Variants in NAP1L4 observed in about 807,000 individuals in gnomAD.
NAP1L4 encodes nucleosome assembly protein 1 like 4, also known as nucleosome assembly protein 1-like 4.
NAP1L4 carries 15 observed loss-of-function variants against 58.2 expected under a neutral mutation model. The observed-to-expected ratio is 0.26, with a 90% CI of 0.17 to 0.40. The LOEUF (loss-of-function observed/expected upper bound fraction) is 0.40. Ranked by LOEUF, NAP1L4 falls within the 10% of genes least tolerant of loss-of-function variation. The pLI is 1.00. For missense variants in NAP1L4, 384 were observed against 451.1 expected, an observed-to-expected ratio of 0.85 and a Z score of 1.35; for synonymous variants, 171 against 155.6, an observed-to-expected ratio of 1.10 and a Z score of -0.74.
At chr11:2,958,304 A>T (rs1846671238) in intron 10 of NAP1L4, 95 bp downstream of exon 10, 2 of 1,325,440 alleles carry the variant, frequency 1.5e-6, no homozygotes, top group Non-Finnish European at 2.2e-6. Flanking sequence ...TGCCTGAAAA[A>T]AGAGGACTAA....
At chr11:2,950,624 G>A (rs979786371) in intron 14 of NAP1L4, among the ~76,000 whole-genome samples, 8 of 152,186 alleles carry the variant, frequency 5.3e-5, no homozygotes, top group African/African-American at 1.9e-4. Flanking sequence ...AAGCACTTCT[G>A]ATTTTAAAAT....
chr11:2,991,611 C>T (rs1848972506), intron 1 of NAP1L4, among the ~76,000 whole-genome samples: 1 of 152,094 alleles, frequency 6.6e-6, no homozygotes, highest in South Asian at 2.1e-4. Flanking sequence ...CCGCACAGCT[C>T]CCAACAGCTA....
intron 1 of NAP1L4, among the ~76,000 whole-genome samples, chr11:2,982,837 A>G (rs771226652): frequency 9.2e-5 from 14 of 152,304 alleles, no homozygotes; most frequent in Non-Finnish European, 1.8e-4. Flanking sequence ...CCTGGCCAAC[A>G]TGGTAAAACC....
In NAP1L4 at chr11:2,949,203, G is replaced by A; in HGVS notation, c.*32+24C>T. 1 of 1,552,720 alleles carries A rather than the reference G, an allele frequency of 6.4e-7. No individual in the cohort carries two copies. Among genetic ancestry groups the A allele is most frequent in the Admixed American group, 1.7e-5 (1 of 59,160 alleles). On this transcript the variant is annotated intron_variant, in intron 15 of 15. Transcript: ENST00000380542. This position sits in a 1 kb window ranked among gnomAD's most constrained non-coding sequence, Gnocchi z 4.0. ...GTATAGATCAGAAGTTTGGAAGTTA[G>A]GTATGAATGGAATTCCACCTTACCT...
At chr11:2,973,205 A>C (rs1273290839) in intron 4 of NAP1L4, among the ~76,000 whole-genome samples, 3 of 152,250 alleles carry the variant, frequency 2.0e-5, no homozygotes, top group South Asian at 2.1e-4. Flanking sequence ...TTTGTCCTGG[A>C]GAGTCAGGTC....
chr11:2,973,375 T>C (rs959879402), intron 4 of NAP1L4, among the ~76,000 whole-genome samples: 1 of 152,248 alleles, frequency 6.6e-6, no homozygotes, highest in Non-Finnish European at 1.5e-5. Flanking sequence ...AGCAGATTCC[T>C]GGCCTCATCA....
chr11:2,945,633 T>G lies in NAP1L4; in HGVS notation c.*46A>C, dbSNP rs554900404. The G allele has an allele frequency of 2.0e-6, 3 of 1,535,458 alleles. No individual in the cohort carries two copies. The highest frequency in any genetic ancestry group is 2.7e-5 in the African/African-American group (2 of 73,022). On this transcript the variant is annotated 3_prime_UTR_variant, in exon 16 of 16. Coordinates refer to ENST00000380542, the MANE Select transcript of NAP1L4 (RefSeq NM_005969.4). ...CTACTGCTGCTTGCATTCCGCCGGC[T>G]GGCTGGGTTCCTTCTGTCAATGAAA... is the stretch of plus-strand genomic sequence containing the variant.
chr11:2,956,117 G>A (rs937438590), intron 10 of NAP1L4, among the ~76,000 whole-genome samples: 1 of 152,252 alleles, frequency 6.6e-6, no homozygotes, highest in East Asian at 1.9e-4. Context: ...TGTGCTTTAT[G>A]GGGAAACTTA....
intron 1 of NAP1L4, among the ~76,000 whole-genome samples, chr11:2,985,490 G>A (rs1447160273): frequency 6.6e-6 from 1 of 152,156 alleles, no homozygotes; most frequent in East Asian, 1.9e-4. Context: ...ACTTTTAAAA[G>A]GCAATCAAGG....
chr11:2,970,776 T>G lies in NAP1L4; in HGVS notation c.402+672A>C, dbSNP rs535644937. On this transcript the variant is annotated intron_variant, in intron 6 of 15. Coordinates refer to ENST00000380542, the MANE Select transcript of NAP1L4 (RefSeq NM_005969.4). ...AACTGTATTAATCCACAGCCATGGC[T>G]TCAATTAGGCCAGGTTCTATATATT... Among the ~76,000 whole-genome samples the G allele has an allele frequency of 2.0e-5, 3 of 152,208 alleles. No homozygotes were observed. The South Asian group carries it at 6.2e-4, about 32-fold the overall frequency.
intron 14 of NAP1L4, among the ~76,000 whole-genome samples, chr11:2,950,724 A>G (rs527453590): frequency 6.6e-6 from 1 of 152,310 alleles, no homozygotes; most frequent in South Asian, 2.1e-4. Flanking sequence ...GGGGTTGCCC[A>G]CTCATTTTCA....
intron 9 of NAP1L4, 79 bp from the exon 10 acceptor site, chr11:2,958,623 C>T (rs1846688258): frequency 1.4e-6 from 2 of 1,426,704 alleles, no homozygotes; most frequent in Non-Finnish European, 1.9e-6. Flanking sequence ...AAGCAAACCA[C>T]AGCTCTATGC....
intron 4 of NAP1L4, among the ~76,000 whole-genome samples, chr11:2,975,409 T>C (rs1454951331): frequency 6.6e-6 from 1 of 152,016 alleles, no homozygotes; most frequent in Admixed American, 6.5e-5. Context: ...CATAGTGCAA[T>C]ACATCTAGCA....
Position 2,954,458 on chromosome 11 carries a change from A to G in NAP1L4, c.1035+69T>C. ...AGGCATGGGGGTTTCCTAAGCCACA[A>G]TTCAGGGCCACTCTGCACCAACAGA... On this transcript the variant is annotated intron_variant, in intron 12 of 15. Coordinates refer to ENST00000380542, the MANE Select transcript of NAP1L4 (RefSeq NM_005969.4). This position sits in a 1 kb window ranked among gnomAD's most constrained non-coding sequence, Gnocchi z 4.8. 2 of 1,610,122 alleles carry G rather than the reference A, an allele frequency of 1.2e-6. No homozygotes were observed. The highest frequency in any genetic ancestry group is 1.7e-6 in the Non-Finnish European group (2 of 1,176,676).
chr11:2,968,922 C>T (rs1377591663), intron 7 of NAP1L4, among the ~76,000 whole-genome samples: 1 of 151,740 alleles, frequency 6.6e-6, no homozygotes, highest in African/African-American at 2.4e-5. Context: ...CACCATTTCA[C>T]TACAGAAAGT....
At chr11:2,978,856 T>C (rs898841847) in intron 2 of NAP1L4, among the ~76,000 whole-genome samples, 3 of 152,176 alleles carry the variant, frequency 2.0e-5, no homozygotes, top group African/African-American at 4.8e-5. Flanking sequence ...TCAAATAATA[T>C]ACACAACTAA....
At chr11:2,957,044 T>C (rs977948043) in intron 10 of NAP1L4, among the ~76,000 whole-genome samples, 3 of 152,116 alleles carry the variant, frequency 2.0e-5, no homozygotes, top group Non-Finnish European at 4.4e-5. Context: ...TTTAGAGTTG[T>C]GCAACCATCA....
chr11:2,948,566 T>C lies in NAP1L4; in HGVS notation c.*32+661A>G, dbSNP rs1846058994. On this transcript the variant is annotated intron_variant, in intron 15 of 15. Transcript: ENST00000380542. This position sits in a 1 kb window ranked among gnomAD's most constrained non-coding sequence, Gnocchi z 5.1. ...GCAGAGCTACAGGGACTGAAGAAAG[T>C]GGAGTGGGAAACAGCTTCCAGGCTT... 6.6e-6 allele frequency among the ~76,000 whole-genome samples: 1 copy of C among 152,168 alleles called. No homozygotes were observed. The highest frequency in any genetic ancestry group is 2.1e-4 in the South Asian group (1 of 4,830).
intron 15 of NAP1L4, among the ~76,000 whole-genome samples, chr11:2,947,603 C>T (rs150900175): frequency 7.2e-5 from 11 of 151,946 alleles, no homozygotes; most frequent in Admixed American, 6.5e-4. Flanking sequence ...TTGTTTTTAG[C>T]TTGTGACACA....
Sources: gnomAD v4.1 joint callset for allele counts (sites outside exome capture counted in the v4.1 genomes callset) on GRCh38, gnomAD v4.1.1 for gene constraint, Gnocchi (gnomAD v3.1) non-coding constraint, MANE v1.5 for transcripts, NCBI Gene and HGNC (gene_info 2026-07-23, HGNC 2026-07-21) for gene names.